The following CASK variants were observed in gnomAD, a reference collection of about 807,000 sequenced individuals.
CASK encodes the protein calcium/calmodulin dependent serine protein kinase, also known as peripheral plasma membrane protein CASK.
In CASK, 4 loss-of-function variants were observed where a neutral mutation model predicts 82.9. That is an observed-to-expected ratio of 0.05 (90% CI 0.02 to 0.11). The LOEUF (loss-of-function observed/expected upper bound fraction) is 0.11. CASK is among the 10% of genes least tolerant of loss of function. CASK has a pLI of 1.00. For synonymous variants in CASK, 259 were observed against 253.5 expected (o/e 1.02, Z -0.20); for missense variants, 358 against 720.9 (o/e 0.50, Z 5.76).
At chrX:41,889,174 G>T (rs1159891687) in intron 1 of CASK, among the ~76,000 whole-genome samples, 1 of 103,999 alleles carries the variant, frequency 9.6e-6, no homozygotes, top group Non-Finnish European at 2.0e-5. Flanking sequence ...AAAAAAAAAA[G>T]GCACGTTATC....
At chrX:41,722,509 C>T (rs1380278802) in intron 5 of CASK, among the ~76,000 whole-genome samples, 1 of 112,470 alleles carries the variant, frequency 8.9e-6, no homozygotes, top group Non-Finnish European at 1.9e-5. Flanking sequence ...TTCAGTTTTC[C>T]TCACCTTTAA....
chrX:41,620,075 T>C (rs1188099520), intron 11 of CASK, among the ~76,000 whole-genome samples: 7 of 112,789 alleles, frequency 6.2e-5, no homozygotes, highest in South Asian at 7.2e-4. Context: ...AGTTTTGATA[T>C]ACCCAAGTTT....
Position 41,616,900 on chromosome X carries a change from C to T in CASK, c.1033+5717G>A, listed in dbSNP as rs1389347432. ...TTGGGATTACTGGCGTGAGCCACAG[C>T]GCCTGGCCCCAAAATCTTTATTGAA... On this transcript the variant is annotated intron_variant, in intron 11 of 26. Coordinates refer to ENST00000378163, the MANE Select transcript of CASK (RefSeq NM_001367721.1). Among the ~76,000 whole-genome samples, 3 of 112,493 alleles carry T rather than the reference C, an allele frequency of 2.7e-5. No individual in the cohort carries two copies. The East Asian group carries it at 8.3e-4, about 31-fold the overall frequency.
intron 8 of CASK, among the ~76,000 whole-genome samples, chrX:41,645,286 T>G (rs1046160378): frequency 8.9e-6 from 1 of 111,784 alleles, no homozygotes; most frequent in African/African-American, 3.2e-5. Flanking sequence ...TAAATGTTCC[T>G]AAAGATAATA....
chrX:41,745,746 A>G, intron 3 of CASK, 145 bp from the exon 4 acceptor site: 1 of 498,969 alleles, frequency 2.0e-6, no homozygotes, highest in Non-Finnish European at 3.6e-6. Context: ...AATGAAATAT[A>G]GACATAAATT....
intron 5 of CASK, among the ~76,000 whole-genome samples, chrX:41,733,757 T>A (rs868208994): frequency 3.3e-4 from 36 of 109,856 alleles, no homozygotes; most frequent in African/African-American, 5.3e-4. Flanking sequence ...TCAAAAAAAA[T>A]AAATAAATAA....
intron 3 of CASK, among the ~76,000 whole-genome samples, chrX:41,754,446 T>C (rs767777402): frequency 1.8e-5 from 2 of 111,461 alleles, no homozygotes; most frequent in African/African-American, 6.5e-5. Context: ...CATCTACCTG[T>C]ATAAGTTACA....
chrX:41,888,733 A>G (rs776475954), intron 1 of CASK, among the ~76,000 whole-genome samples: 35 of 101,798 alleles, frequency 3.4e-4, no homozygotes, highest in Non-Finnish European at 5.2e-4. Context: ...GAATATATGT[A>G]TATATATACA....
rs1298894143 is a variant in CASK at position 41,854,222 on chromosome X, GCGCACACACACACA to G, written c.60-1009_60-996del. Among the ~76,000 whole-genome samples, 23 of 83,483 alleles carry G rather than the reference GCGCACACACACACA, an allele frequency of 2.8e-4. 1 individual carries two copies. The East Asian group carries it at 4.7e-3, about 17-fold the overall frequency. The allele number at this position is 83,483 out of a possible 115,157, so 72.5% of individuals were successfully genotyped here. A position where few individuals can be genotyped will look rare whatever the true frequency, so the allele number is the denominator to read the frequency against. ...GGAACATGCGCGCGCGCGCGGGCGC[GCGCACACACACACA>G]CACACACACACACACACACACACAC... On this transcript the variant is annotated intron_variant, in intron 1 of 26. Transcript: ENST00000378163.
At chrX:41,536,737 TA>T (rs1252979384) in intron 22 of CASK, among the ~76,000 whole-genome samples, 3 of 112,263 alleles carry the variant, frequency 2.7e-5, no homozygotes, top group African/African-American at 9.7e-5. Context: ...TAGCAATAGC[TA>T]AAAACCAAGA....
At chrX:41,620,694 T>G (rs1476759893) in intron 11 of CASK, among the ~76,000 whole-genome samples, 3 of 112,322 alleles carry the variant, frequency 2.7e-5, no homozygotes, top group Non-Finnish European at 5.6e-5. Context: ...TTATTCCCAC[T>G]GCACAAAGCA....
At chrX:41,845,964 G>A (rs1181790428) in intron 2 of CASK, among the ~76,000 whole-genome samples, 3 of 111,628 alleles carry the variant, frequency 2.7e-5, no homozygotes, top group East Asian at 2.8e-4. Context: ...ACCCTCGTAC[G>A]CTGTTGGTGA....
chrX:41,904,792 T>C (rs769854400), intron 1 of CASK, among the ~76,000 whole-genome samples: 4 of 111,754 alleles, frequency 3.6e-5, no homozygotes, highest in African/African-American at 1.3e-4. Flanking sequence ...CTTCTTTGTG[T>C]CTGTGTGGGC....
intron 2 of CASK, among the ~76,000 whole-genome samples, chrX:41,822,549 C>G (rs1166336165): frequency 1.6e-4 from 9 of 57,388 alleles, no homozygotes; most frequent in Middle Eastern, 0.014. Flanking sequence ...CAGAGTGAGA[C>G]TCCGTCTCAA....
At chrX:41,537,301 T>TA (rs1441504226) in intron 22 of CASK, among the ~76,000 whole-genome samples, 1 of 110,892 alleles carries the variant, frequency 9.0e-6, no homozygotes, top group Non-Finnish European at 1.9e-5. Flanking sequence ...TGAGAAACAA[T>TA]AAAAAAAGGG....
chrX:41,762,054 T>A (rs769114715), intron 3 of CASK, among the ~76,000 whole-genome samples: 2 of 111,905 alleles, frequency 1.8e-5, no homozygotes, highest in South Asian at 7.4e-4. Context: ...TTAATCCTCA[T>A]AAAAACACTA....
intron 1 of CASK, among the ~76,000 whole-genome samples, chrX:41,884,254 T>C (rs2072007158): frequency 8.9e-6 from 1 of 112,149 alleles, no homozygotes; most frequent in Non-Finnish European, 1.9e-5. Flanking sequence ...GTGGGAACTT[T>C]TACTAAAGTT....
chrX:41,767,272 T>C (rs1051446625), intron 3 of CASK, among the ~76,000 whole-genome samples: 5 of 111,967 alleles, frequency 4.5e-5, no homozygotes, highest in African/African-American at 6.5e-5. Context: ...CCTGCCTATA[T>C]GGAAGGCTAA....
At chrX:41,598,256 G>T (rs778311117) in intron 12 of CASK, among the ~76,000 whole-genome samples, 16 of 111,941 alleles carry the variant, frequency 1.4e-4, no homozygotes, top group Non-Finnish European at 2.8e-4. Context: ...AAGATTGCAT[G>T]ATGGGCAACG....
Sources: allele counts gnomAD v4.1 joint callset (sites outside exome capture counted in the v4.1 genomes callset), GRCh38; gene constraint gnomAD v4.1.1; transcripts MANE v1.5; gene names NCBI Gene and HGNC (gene_info 2026-07-23, HGNC 2026-07-21).